SGO2: variants seen among roughly 807,000 people sequenced by gnomAD.
The protein encoded by SGO2 is shugoshin-like 2.
In SGO2, 68 loss-of-function variants were observed where a neutral mutation model predicts 99.5. That is an observed-to-expected ratio of 0.68 (90% CI 0.56 to 0.84). The LOEUF (loss-of-function observed/expected upper bound fraction) is 0.84, where lower values mean the gene tolerates loss of function less well. Ranked by LOEUF, SGO2 falls within the 40% of genes least tolerant of loss-of-function variation. The pLI is 0.00. For synonymous variants in SGO2, 457 were observed against 487.1 expected (o/e 0.94, Z 0.81); for missense variants, 1,350 against 1,436.7 (o/e 0.94, Z 0.97).
At chr2:200,558,394 AT>A (rs2032806871) in intron 5 of SGO2, among the ~76,000 whole-genome samples, 1 of 151,998 alleles carries the variant, frequency 6.6e-6, no homozygotes, top group African/African-American at 2.4e-5. Context: ...GTAGATACTA[AT>A]TTTTTCTTTT....
At chr2:200,578,988 T>A (rs2033753274) in intron 8 of SGO2, among the ~76,000 whole-genome samples, 1 of 152,154 alleles carries the variant, frequency 6.6e-6, no homozygotes, top group Non-Finnish European at 1.5e-5. Context: ...TATTGTAGGA[T>A]GTTTAGCTGT....
At chr2:200,566,499 G>A (rs2033194026) in intron 5 of SGO2, among the ~76,000 whole-genome samples, 1 of 152,220 alleles carries the variant, frequency 6.6e-6, no homozygotes, top group African/African-American at 2.4e-5. Flanking sequence ...GTGTCTCCCA[G>A]TTAGGCTACT....
chr2:200,573,944 A>G lies in SGO2; in HGVS notation c.3598A>G (p.Lys1200Glu), dbSNP rs777136638. Reference protein sequence around the residue: ...EHEKMNKMKFKVNRRTQKSGI... With the variant: ...EHEKMNKMKFEVNRRTQKSGI... ...TGAGAAGATGAACAAGATGAAATTT[A>G]AAGTCAACCGGAGAACCCAAAAATC... The change falls in exon 7 of 9, where the codon AAA becomes GAA. Residue 1200 changes from lysine (K) to glutamate (E), a missense_variant. Physicochemically the swap from Lys to Glu is moderately conservative, Grantham distance 56. Transcript: ENST00000357799. 2 of 1,599,752 alleles carry G rather than the reference A, an allele frequency of 1.3e-6. No homozygotes were observed. Among genetic ancestry groups the G allele is most frequent in the East Asian group, 2.2e-5 (1 of 44,772 alleles).
At chr2:200,527,378 C>A (rs2031150809) in intron 1 of SGO2, among the ~76,000 whole-genome samples, 1 of 152,076 alleles carries the variant, frequency 6.6e-6, no homozygotes, top group African/African-American at 2.4e-5. Flanking sequence ...TGTTAGGATC[C>A]CTTTCAGGTG....
Position 200,570,065 on chromosome 2 carries a change from T to C in SGO2, c.703+173T>C, listed in dbSNP as rs2033340824. ...GATAGATTTAATTTTAAAGTAAATA[T>C]GCTGACAAACATCACACCCACAGTG... On this transcript the variant is annotated intron_variant, in intron 6 of 8. Coordinates refer to ENST00000357799, the MANE Select transcript of SGO2 (RefSeq NM_152524.6). The surrounding 1 kb of genome is among the most constrained non-coding windows in gnomAD (Gnocchi z 4.4). 1.8e-6 allele frequency: 1 copy of C among 560,864 alleles called. No homozygotes were observed. The highest frequency in any genetic ancestry group is 3.1e-6 in the Non-Finnish European group (1 of 319,016). The allele number at this position is 560,864 out of a possible 1,614,324, so 34.7% of individuals were successfully genotyped here. A position where few individuals can be genotyped will look rare whatever the true frequency, so the allele number is the denominator to read the frequency against.
At chr2:200,574,598 G>T (rs1330851165) in intron 7 of SGO2, among the ~76,000 whole-genome samples, 1 of 151,924 alleles carries the variant, frequency 6.6e-6, no homozygotes, top group Admixed American at 6.6e-5. Flanking sequence ...TAGCATTTTA[G>T]GCCCTAAAGG....
At chr2:200,567,876 T>C (rs567288589) in intron 5 of SGO2, among the ~76,000 whole-genome samples, 69 of 152,256 alleles carry the variant, frequency 4.5e-4, no homozygotes, top group Non-Finnish European at 7.9e-4. Flanking sequence ...ACATTTGTAT[T>C]GTTTCCACTT....
intron 5 of SGO2, among the ~76,000 whole-genome samples, chr2:200,550,779 AATGTCTT>A (rs771370675): frequency 2.0e-5 from 3 of 152,104 alleles, no homozygotes; most frequent in Non-Finnish European, 2.9e-5. Context: ...TCTGGGCAAA[AATGTCTT>A]GTGTAAGACC....
rs184600732 is a variant in SGO2, at chr2:200,565,204, T to C, written c.474-4459T>C. 1.8e-4 allele frequency among the ~76,000 whole-genome samples: 28 copies of C among 152,354 alleles called. 1 individual carries two copies. Among genetic ancestry groups the C allele is most frequent in the Non-Finnish European group, 1.5e-4 (10 of 68,030 alleles). On this transcript the variant is annotated intron_variant, in intron 5 of 8. Transcript: ENST00000357799. ...TGTTTTTGCAGTGGCTGGTACCAGT[T>C]GTTCCTTTCAATGTTTAGCGCTTCC...
At chr2:200,552,736 G>A (rs2032547396) in intron 5 of SGO2, among the ~76,000 whole-genome samples, 1 of 152,112 alleles carries the variant, frequency 6.6e-6, no homozygotes, top group African/African-American at 2.4e-5. Flanking sequence ...CACCATCTTG[G>A]TTTTGGTGGG....
At chr2:200,553,966 C>G (rs1382110213) in intron 5 of SGO2, among the ~76,000 whole-genome samples, 1 of 152,148 alleles carries the variant, frequency 6.6e-6, no homozygotes, top group Non-Finnish European at 1.5e-5. Context: ...TATTGGCTCT[C>G]TAAGTCTAAT....
At chr2:200,540,048 T>C (rs181385464) in intron 4 of SGO2, among the ~76,000 whole-genome samples, 1 of 152,346 alleles carries the variant, frequency 6.6e-6, no homozygotes, top group Admixed American at 6.5e-5. Context: ...TTTTCAGTTC[T>C]GAGCTCCATT....
At chr2:200,569,094 G>A (rs533619670) in intron 5 of SGO2, among the ~76,000 whole-genome samples, 5 of 151,942 alleles carry the variant, frequency 3.3e-5, no homozygotes, top group Non-Finnish European at 7.4e-5. Context: ...GTTTGTGGAC[G>A]ATATTACTCT....
chr2:200,581,841 C>G (rs562193088), intron 8 of SGO2, among the ~76,000 whole-genome samples: 105 of 152,290 alleles, frequency 6.9e-4, no homozygotes, highest in Non-Finnish European at 1.3e-3. Flanking sequence ...TATTTCCTTA[C>G]AGCATTTTGC....
rs933314330 is a variant in SGO2, at chr2:200,572,631, G to C, written c.2285G>C (p.Ser762Thr). ...EIIPGNLEDP[S>T]EFETPALSTK... The stretch of plus-strand genomic sequence containing the variant: ...ATCCCTGGAAACCTAGAAGACCCAA[G>C]TGAGTTTGAAACACCTGCTCTTTCT... Residue 762 changes from serine to threonine, a missense_variant, in exon 7 of 9, where the codon AGT becomes ACT. Coordinates refer to ENST00000357799, the MANE Select transcript of SGO2 (RefSeq NM_152524.6). The C allele has an allele frequency of 1.4e-5, 23 of 1,612,742 alleles. No individual in the cohort carries two copies. Among genetic ancestry groups the C allele is most frequent in the Non-Finnish European group, 1.9e-5 (22 of 1,179,388 alleles).
chr2:200,539,148 G>A (rs546023336), intron 4 of SGO2, among the ~76,000 whole-genome samples: 17 of 152,078 alleles, frequency 1.1e-4, no homozygotes, highest in Non-Finnish European at 1.8e-4. Flanking sequence ...CTTTTCTGAT[G>A]AGAGTGATAG....
At chr2:200,536,928 A>C (rs1208014529) in intron 4 of SGO2, among the ~76,000 whole-genome samples, 1 of 152,078 alleles carries the variant, frequency 6.6e-6, no homozygotes, top group Non-Finnish European at 1.5e-5. Flanking sequence ...TACCTCATGC[A>C]GGTGATTGCT....
intron 4 of SGO2, among the ~76,000 whole-genome samples, chr2:200,541,012 T>G (rs2031935691): frequency 7.5e-6 from 1 of 132,968 alleles, no homozygotes; most frequent in East Asian, 2.1e-4. Flanking sequence ...CTGGCATGTG[T>G]CATCCCATGA....
Position 200,575,293 on chromosome 2 carries a change from A to C in SGO2, c.3632-18A>C. 3 of 1,501,560 alleles carry C rather than the reference A, an allele frequency of 2.0e-6. No homozygotes were observed. The highest frequency in any genetic ancestry group is 2.7e-6 in the Non-Finnish European group (3 of 1,108,070). 93.0% of individuals were successfully genotyped at this position (1,501,560 alleles called of 1,614,324 possible). A position where few individuals can be genotyped will look rare whatever the true frequency, so the allele number is the denominator to read the frequency against. ...TATACTTTTTAAAATATTTGTGAAA[A>C]ATAATATTCTTTTTCAGGTGATAGA... On this transcript the variant is annotated intron_variant, in intron 7 of 8. Transcript: ENST00000357799.
Sources: gnomAD v4.1 joint callset for allele counts (sites outside exome capture counted in the v4.1 genomes callset) on GRCh38, gnomAD v4.1.1 for gene constraint, Gnocchi (gnomAD v3.1) non-coding constraint, MANE v1.5 for transcripts, NCBI Gene and HGNC (gene_info 2026-07-23, HGNC 2026-07-21) for gene names.